Variants in WDR76 observed in about 807,000 individuals in gnomAD.
WDR76 encodes WD repeat-containing protein 76.
WDR76 carries 52 observed loss-of-function variants against 70.2 expected under a neutral mutation model. The ratio of observed to expected loss-of-function variants is 0.74; its 90% confidence interval spans 0.59 to 0.93. The LOEUF is 0.93. WDR76 is among the 40% of genes least tolerant of loss of function. The pLI is 0.00. For missense variants in WDR76, 756 were observed against 760.2 expected, an observed-to-expected ratio of 0.99 and a Z score of 0.07; for synonymous variants, 292 against 271.1, an observed-to-expected ratio of 1.08 and a Z score of -0.76.
At position 43,849,495 on chromosome 15, in the gene WDR76, A is replaced by G. The variant is rs112072052; in HGVS notation, c.1033-1592A>G. 5.0e-3 allele frequency among the ~76,000 whole-genome samples: 766 copies of G among 152,332 alleles called. 8 individuals are homozygous for G. The highest frequency in any genetic ancestry group is 0.018 in the African/African-American group (732 of 41,582). The stretch of plus-strand genomic sequence containing the variant: ...ATTAAATTTAACTATAAAGATGTCT[A>G]TAATCTCAGTGTTTCAATGATAATT... On this transcript the variant is annotated intron_variant, in intron 8 of 12. Coordinates refer to ENST00000263795, the MANE Select transcript of WDR76 (RefSeq NM_024908.4).
Position 43,851,185 on chromosome 15 carries a change from G to A in WDR76, c.1131G>A (p.Leu377=). The change falls in exon 9 of 13, where the codon CTG becomes CTA. Residue 377 remains leucine, a synonymous_variant. Transcript: ENST00000263795. ...YFSPANPAHI[L]SLSYDGTLRC... Reference sequence around the variant, plus strand: ...CACCCGCCAATCCGGCCCACATACTGTCACTGAGCTATGATGGCACGTTAC... The same window carrying A: ...CACCCGCCAATCCGGCCCACATACTATCACTGAGCTATGATGGCACGTTAC... The A allele has an allele frequency of 1.2e-6, 2 of 1,614,084 alleles. No homozygotes were observed. Among genetic ancestry groups the A allele is most frequent in the Non-Finnish European group, 8.5e-7 (1 of 1,180,022 alleles).
intron 1 of WDR76, 22 bp downstream of exon 1, chr15:43,827,114 CCA>C (rs1475881792): frequency 6.3e-7 from 1 of 1,597,236 alleles, no homozygotes; most frequent in Admixed American, 1.7e-5. Flanking sequence ...ACTGGTGCTT[CCA>C]AGGTGTGCTC....
Position 43,828,296 on chromosome 15 carries a change from C to T in WDR76, c.392C>T (p.Ala131Val), listed in dbSNP as rs373892287. 6 of 1,613,982 alleles carry T rather than the reference C, an allele frequency of 3.7e-6. No individual in the cohort carries two copies. Among genetic ancestry groups the T allele is most frequent in the East Asian group, 4.5e-5 (2 of 44,890 alleles). ...NKLQPKRTAD[A>V]MNLSVDVESS... ...CTACAACCCAAGAGAACGGCAGATG[C>T]GATGAATCTCAGTGTTGATGTGGAA... The change falls in exon 2 of 13, where the codon GCG becomes GTG. Residue 131 changes from alanine (A) to valine (V), a missense_variant. Physicochemically the swap from Ala to Val is moderately conservative, Grantham distance 64 (BLOSUM62 0). Transcript: ENST00000263795.
At chr15:43,845,138 T>C (rs1382236023) in intron 8 of WDR76, among the ~76,000 whole-genome samples, 1 of 147,592 alleles carries the variant, frequency 6.8e-6, no homozygotes, top group East Asian at 2.0e-4. Context: ...ATTTTTTCTA[T>C]TTTTAGTAGA....
chr15:43,834,184 G>A (rs377696143), intron 2 of WDR76, among the ~76,000 whole-genome samples: 2 of 151,838 alleles, frequency 1.3e-5, no homozygotes, highest in East Asian at 3.9e-4. Flanking sequence ...TTATATCTCA[G>A]GGTTTTAAAA....
chr15:43,858,533 A>G (rs2087958812), intron 10 of WDR76, 138 bp from the exon 11 acceptor site: 1 of 1,125,278 alleles, frequency 8.9e-7, no homozygotes, highest in African/African-American at 1.6e-5. Context: ...GACTTGAGCC[A>G]CCGCACCTGG....
At position 43,866,282 on chromosome 15, in the gene WDR76, TA is replaced by T; in HGVS notation, c.1772del (p.Tyr591SerfsTer31). 1 of 1,614,136 alleles carries T rather than the reference TA, an allele frequency of 6.2e-7. No homozygotes were observed. Among genetic ancestry groups the T allele is most frequent in the Non-Finnish European group, 8.5e-7 (1 of 1,180,028 alleles). On this transcript the variant is annotated frameshift_variant, in exon 13 of 13. Coordinates refer to ENST00000263795, the MANE Select transcript of WDR76 (RefSeq NM_024908.4). LOFTEE classifies it high-confidence loss of function. The part of the protein sequence containing the change: ...GKRVHSFGGE[Y>X]LVSVCSINAM... ...GAGGGTGCATTCGTTTGGTGGAGAA[TA>T]CCTTGTCTCTGTGTGTTCCATCAAT...
chr15:43,829,822 A>G (rs2087565061), intron 2 of WDR76, among the ~76,000 whole-genome samples: 1 of 151,782 alleles, frequency 6.6e-6, no homozygotes, highest in Admixed American at 6.6e-5. Context: ...GGGTACTTCT[A>G]AGAAACCTTG....
At chr15:43,839,771 C>G in intron 5 of WDR76, 43 bp downstream of exon 5, 5 of 1,532,714 alleles carry the variant, frequency 3.3e-6, no homozygotes, top group Non-Finnish European at 4.4e-6. Flanking sequence ...TAATAAAATA[C>G]TGAAAAATTT....
intron 8 of WDR76, among the ~76,000 whole-genome samples, chr15:43,847,453 G>A (rs990499317): frequency 2.6e-4 from 39 of 150,938 alleles, no homozygotes; most frequent in African/African-American, 9.5e-4. Context: ...GACGAGTCTT[G>A]CTCTGTTGCC....
intron 5 of WDR76, among the ~76,000 whole-genome samples, chr15:43,842,047 T>C (rs928511317): frequency 7.9e-5 from 12 of 152,086 alleles, no homozygotes; most frequent in Admixed American, 7.9e-4. Context: ...TTTGTATTTT[T>C]AGTAGAGATG....
At chr15:43,842,166 C>G (rs1269323718) in intron 5 of WDR76, among the ~76,000 whole-genome samples, 1 of 152,176 alleles carries the variant, frequency 6.6e-6, no homozygotes, top group Non-Finnish European at 1.5e-5. Flanking sequence ...AATCCACTGT[C>G]TTTAAAATGT....
At chr15:43,849,825 C>T (rs1029080726) in intron 8 of WDR76, among the ~76,000 whole-genome samples, 11 of 152,162 alleles carry the variant, frequency 7.2e-5, no homozygotes, top group East Asian at 1.9e-4. Flanking sequence ...TGAGCCACCG[C>T]GCCTGGCCTG....
chr15:43,847,765 C>T (rs923844315), intron 8 of WDR76, among the ~76,000 whole-genome samples: 2 of 152,072 alleles, frequency 1.3e-5, no homozygotes, highest in Non-Finnish European at 2.9e-5. Context: ...CCATGTTGGC[C>T]AGGCTGATCT....
chr15:43,834,388 C>T (rs1472068069), intron 2 of WDR76, among the ~76,000 whole-genome samples: 2 of 150,940 alleles, frequency 1.3e-5, no homozygotes, highest in Non-Finnish European at 3.0e-5. Context: ...GCAACCCCCA[C>T]CTCCCAGGTT....
chr15:43,866,280 A>G lies in WDR76; in HGVS notation c.1769A>G (p.Glu590Gly), dbSNP rs778769608. The G allele has an allele frequency of 3.1e-6, 5 of 1,614,040 alleles. No individual in the cohort carries two copies. Among genetic ancestry groups the G allele is most frequent in the Non-Finnish European group, 3.4e-6 (4 of 1,180,016 alleles). ...TGKRVHSFGG[E>G]YLVSVCSINA... is the part of the protein sequence containing the mutation. Reference sequence around the variant, plus strand: ...AAGAGGGTGCATTCGTTTGGTGGAGAATACCTTGTCTCTGTGTGTTCCATC... The same window carrying G: ...AAGAGGGTGCATTCGTTTGGTGGAGGATACCTTGTCTCTGTGTGTTCCATC... The change falls in exon 13 of 13, where the codon GAA becomes GGA. Residue 590 changes from glutamate to glycine, a missense_variant. Physicochemically the swap from Glu to Gly is moderately conservative, Grantham distance 98. Transcript: ENST00000263795.
intron 1 of WDR76, 41 bp downstream of exon 1, chr15:43,827,133 C>G: frequency 1.2e-6 from 2 of 1,613,880 alleles, no homozygotes; most frequent in East Asian, 4.5e-5. Context: ...GCTCCTGCCT[C>G]GGTTTTTGTG....
intron 2 of WDR76, among the ~76,000 whole-genome samples, chr15:43,830,786 C>G (rs533058986): frequency 3.9e-4 from 60 of 152,168 alleles, no homozygotes; most frequent in African/African-American, 1.4e-3. Context: ...GTGGTTCATG[C>G]CTGCACTCCC....
At chr15:43,854,245 G>C (rs771206922) in intron 9 of WDR76, among the ~76,000 whole-genome samples, 2 of 152,108 alleles carry the variant, frequency 1.3e-5, no homozygotes, top group Non-Finnish European at 2.9e-5. Context: ...AAACTTGTAC[G>C]GGAATGTTCA....
Sources: allele counts gnomAD v4.1 joint callset (sites outside exome capture counted in the v4.1 genomes callset), GRCh38; gene constraint gnomAD v4.1.1; transcripts MANE v1.5; gene names NCBI Gene and HGNC (gene_info 2026-07-23, HGNC 2026-07-21).